The following YBEY variants were observed in gnomAD, a reference collection of about 807,000 sequenced individuals.
YBEY encodes the protein ybeY metalloendoribonuclease.
A neutral mutation model predicts 13.5 loss-of-function variants in YBEY; 15 were observed. The observed-to-expected ratio is 1.11, with a 90% CI of 0.75 to 1.72. YBEY has a LOEUF of 1.72. Ranked by LOEUF, YBEY falls within the 40% of genes most tolerant of loss-of-function variation. YBEY has a pLI of 0.00. For synonymous variants in YBEY, 101 were observed against 83.1 expected, an observed-to-expected ratio of 1.21 and a Z score of -1.17; for missense variants, 244 against 208.4, an observed-to-expected ratio of 1.17 and a Z score of -1.05.
the YBEY span, among the ~76,000 whole-genome samples, chr21:46,310,222 A>G: frequency 6.6e-6 from 1 of 152,012 alleles, no homozygotes; most frequent in African/African-American, 2.4e-5. Context: ...CACACCTGTA[A>G]TCCCAGCACT....
chr21:46,289,188 G>A (rs1013314844), intron 2 of YBEY, among the ~76,000 whole-genome samples: 7 of 152,122 alleles, frequency 4.6e-5, no homozygotes, highest in Non-Finnish European at 8.8e-5. Flanking sequence ...ATACCAAGTG[G>A]AAAGAACAGG....
chr21:46,296,184 G>A lies in YBEY; in HGVS notation c.362G>A (p.Cys121Tyr), dbSNP rs764425935. The A allele has an allele frequency of 1.9e-6, 3 of 1,613,888 alleles. No individual in the cohort carries two copies. In the East Asian group the frequency reaches 6.7e-5, roughly 36 times the overall value. Reference protein sequence around the residue: ...VLTVTATHGLCHLLGFTHGTE... With the variant: ...VLTVTATHGLYHLLGFTHGTE... Reference sequence around the variant, plus strand: ...CAGGTGACGGCCACCCACGGACTCTGTCACTTGCTGGGATTCACACACGGC... The same window carrying A: ...CAGGTGACGGCCACCCACGGACTCTATCACTTGCTGGGATTCACACACGGC... The change falls in exon 4 of 5, where the codon TGT (cysteine) becomes TAT (tyrosine). Residue 121 changes from cysteine (C) to tyrosine (Y), a missense_variant. Transcript: ENST00000397701.
chr21:46,296,036 G>T, intron 3 of YBEY, 126 bp from the exon 4 acceptor site: 1 of 879,930 alleles, frequency 1.1e-6, no homozygotes, highest in Non-Finnish European at 1.8e-6. Context: ...TCCTGCCCAG[G>T]GGTCTCACAG....
intron 3 of YBEY, among the ~76,000 whole-genome samples, chr21:46,295,471 C>G (rs113864793): frequency 5.9e-5 from 9 of 152,196 alleles, no homozygotes; most frequent in African/African-American, 1.9e-4. Context: ...TCAGGGTCCA[C>G]AGGCCCTCCC....
chr21:46,303,708 A>AAT, the YBEY span, among the ~76,000 whole-genome samples: 9 of 37,276 alleles, frequency 2.4e-4, no homozygotes, highest in African/African-American at 7.3e-4. Flanking sequence ...ACACACACAA[A>AAT]ATATATATAT....
At chr21:46,309,676 T>C in the YBEY span, among the ~76,000 whole-genome samples, 6 of 151,362 alleles carry the variant, frequency 4.0e-5, no homozygotes, top group Admixed American at 2.6e-4. Context: ...AAAGAGTACA[T>C]ACTGTGTAGA....
downstream of YBEY, among the ~76,000 whole-genome samples, chr21:46,299,000 G>A (rs746005957): frequency 7.3e-5 from 11 of 151,360 alleles, no homozygotes; most frequent in Non-Finnish European, 1.6e-4. Context: ...GGGATCACAG[G>A]TGTGAGCCAC....
the YBEY span, among the ~76,000 whole-genome samples, chr21:46,302,944 C>T: frequency 3.2e-5 from 4 of 124,416 alleles, no homozygotes; most frequent in Non-Finnish European, 5.1e-5. Flanking sequence ...CCCCGGGGCG[C>T]GCCCTGAGCC....
chr21:46,297,814 G>A, downstream of YBEY: 4 of 1,209,538 alleles, frequency 3.3e-6, no homozygotes, highest in Middle Eastern at 2.9e-4. Context: ...CATCGAGAGG[G>A]CGTCTGGAGT....
chr21:46,301,530 G>C (rs2082108134), downstream of YBEY: 4 of 986,196 alleles, frequency 4.1e-6, no homozygotes, highest in Middle Eastern at 5.2e-4. Flanking sequence ...TCCCCATCAG[G>C]ATGTTCACAC....
chr21:46,298,521 C>T (rs1346999892), downstream of YBEY, among the ~76,000 whole-genome samples: 2 of 144,618 alleles, frequency 1.4e-5, no homozygotes, highest in Non-Finnish European at 3.0e-5. Flanking sequence ...CTCCGCCCGC[C>T]GGGGTTCACG....
downstream of YBEY, among the ~76,000 whole-genome samples, chr21:46,299,322 GA>G (rs2082051904): frequency 6.6e-6 from 1 of 152,110 alleles, no homozygotes; most frequent in South Asian, 2.1e-4. Flanking sequence ...ACCTGAATCT[GA>G]GGAAGAGCCG....
rs58271568 is a variant in YBEY, at chr21:46,287,125, T to TAA, written c.210+11_210+12dup. 770 of 1,506,712 alleles carry TAA rather than the reference T, an allele frequency of 5.1e-4. 3 individuals carry two copies. The highest frequency in any genetic ancestry group is 1.1e-3 in the Admixed American group (50 of 46,518). The allele number at this position is 1,506,712 out of a possible 1,614,324, so 93.3% of individuals were successfully genotyped here. A position where few individuals can be genotyped will look rare whatever the true frequency, so the allele number is the denominator to read the frequency against. ...GTGCTTTCTTTTCCATTTCATGAGGTAAAAAAAAAATGTTCCTCTTCTTGT... is the reference window on the plus strand; with the variant it reads ...GTGCTTTCTTTTCCATTTCATGAGGTAAAAAAAAAAAATGTTCCTCTTCTTGT... On this transcript the variant is annotated splice_region_variant and intron_variant, in intron 2 of 4. Transcript: ENST00000397701.
At chr21:46,300,179 C>T (rs1259361722), downstream of YBEY, 1 of 152,636 alleles carries the variant, frequency 6.6e-6, no homozygotes, top group Non-Finnish European at 1.5e-5. Flanking sequence ...CGCCTGTAAT[C>T]CCAGCACTTT....
At chr21:46,299,977 C>T (rs562839512), downstream of YBEY, among the ~76,000 whole-genome samples, 44 of 152,298 alleles carry the variant, frequency 2.9e-4, no homozygotes, top group Non-Finnish European at 5.7e-4. Flanking sequence ...CCCACCCCTC[C>T]TGCAGGCCAG....
At chr21:46,291,485 T>C (rs1569097461) in intron 3 of YBEY, 23 bp downstream of exon 3, 10 of 1,612,858 alleles carry the variant, frequency 6.2e-6, no homozygotes, top group Non-Finnish European at 8.5e-6. Flanking sequence ...GCTGAAATCA[T>C]ATAACCTGGC....
At chr21:46,311,630 ACCACCCATCCATCCAC>A in the YBEY span, 1 of 946,380 alleles carries the variant, frequency 1.1e-6, no homozygotes, top group Non-Finnish European at 1.6e-6. Flanking sequence ...TCCAGTATCT[ACCACCCATCCATCCAC>A]CCACCCATCC....
At chr21:46,299,176 C>T (rs763883150), downstream of YBEY, among the ~76,000 whole-genome samples, 1 of 151,836 alleles carries the variant, frequency 6.6e-6, no homozygotes. Context: ...CCATGTTGGC[C>T]GGGCAGGTCT....
downstream of YBEY, among the ~76,000 whole-genome samples, chr21:46,298,883 C>T (rs1327544081): frequency 3.9e-5 from 6 of 151,968 alleles, no homozygotes; most frequent in Non-Finnish European, 8.8e-5. Context: ...CACCACTACG[C>T]CCAGCTAATT....
Sources: allele counts gnomAD v4.1 joint callset (sites outside exome capture counted in the v4.1 genomes callset), GRCh38; gene constraint gnomAD v4.1.1; transcripts MANE v1.5; gene names NCBI Gene and HGNC (gene_info 2026-07-23, HGNC 2026-07-21).